Variants in TMEM74 observed in about 807,000 individuals in gnomAD.
TMEM74 encodes the protein transmembrane protein 74.
A neutral mutation model predicts 18.1 loss-of-function variants in TMEM74; 13 were observed. The ratio of observed to expected loss-of-function variants is 0.72; its 90% CI spans 0.47 to 1.14. The LOEUF (loss-of-function observed/expected upper bound fraction) is 1.14. TMEM74 is among the 50% of genes most tolerant of loss of function. The probability of loss-of-function intolerance (pLI) is 0.00; values close to 1 mark genes in which losing one functional copy is unlikely to be tolerated. For missense variants in TMEM74, 372 were observed against 375.9 expected, an observed-to-expected ratio of 0.99 and a Z score of 0.09; for synonymous variants, 159 against 146.6, an observed-to-expected ratio of 1.08 and a Z score of -0.61.
In TMEM74 at chr8:108,781,306, G is replaced by A. The variant is rs1315701527; in HGVS notation, c.*2875C>T. Among the ~76,000 whole-genome samples, 2 of 152,176 alleles carry A rather than the reference G, an allele frequency of 1.3e-5. No individual in the cohort carries two copies. The highest frequency in any genetic ancestry group is 2.9e-5 in the Non-Finnish European group (2 of 68,030). On this transcript the variant is annotated 3_prime_UTR_variant, in exon 2 of 2. Transcript: ENST00000297459. ...ATGCAAGACCAAAACTATAGGTATT[G>A]TATGCCCAATGTCTATAGAATGCAT...
intron 1 of TMEM74, among the ~76,000 whole-genome samples, chr8:108,684,021 T>C (rs913593574): frequency 6.6e-6 from 1 of 152,140 alleles, no homozygotes; most frequent in African/African-American, 2.4e-5. Context: ...ACACTTAGAT[T>C]GATTCCATAT....
chr8:108,730,099 G>A (rs1471369945), intron 1 of TMEM74, among the ~76,000 whole-genome samples: 1 of 152,180 alleles, frequency 6.6e-6, no homozygotes, highest in Non-Finnish European at 1.5e-5. Context: ...ATTGCCTTTT[G>A]ACTAAAAAGG....
At chr8:108,677,353 C>T (rs960586553) in intron 1 of TMEM74, among the ~76,000 whole-genome samples, 1 of 152,034 alleles carries the variant, frequency 6.6e-6, no homozygotes, top group African/African-American at 2.4e-5. Flanking sequence ...AAATATTAAT[C>T]TTCTCAAATA....
In TMEM74 at chr8:108,632,359, A is replaced by G. The variant is rs542222774; in HGVS notation, n.264+22934T>C. 4.6e-5 allele frequency among the ~76,000 whole-genome samples: 7 copies of G among 152,146 alleles called. No homozygotes were observed. In the South Asian group the frequency reaches 1.2e-3, roughly 27 times the overall value. On this transcript the variant is annotated intron_variant and non_coding_transcript_variant, in intron 2 of 3. Transcript: ENST00000518838. ...CTAAGTGGATAGCTCTTGTTTTCTTATCACAGATAACAATAACAAAAATAA... is the reference window on the plus strand; with the variant it reads ...CTAAGTGGATAGCTCTTGTTTTCTTGTCACAGATAACAATAACAAAAATAA...
At chr8:108,630,470 CA>C (rs1396944001) in intron 2 of TMEM74, among the ~76,000 whole-genome samples, 1 of 151,984 alleles carries the variant, frequency 6.6e-6, no homozygotes, top group African/African-American at 2.4e-5. Context: ...AGCTATGGAC[CA>C]AGTGGACCTA....
intron 2 of TMEM74, among the ~76,000 whole-genome samples, chr8:108,626,079 G>C (rs764291225): frequency 3.3e-5 from 5 of 151,900 alleles, no homozygotes; most frequent in Non-Finnish European, 5.9e-5. Flanking sequence ...TCTCATTCAG[G>C]CTTCTTAGTT....
At chr8:108,651,521 A>G (rs1304911893) in intron 2 of TMEM74, among the ~76,000 whole-genome samples, 1 of 152,198 alleles carries the variant, frequency 6.6e-6, no homozygotes, top group Non-Finnish European at 1.5e-5. Context: ...AATGCCTAGG[A>G]AAGATAGGAG....
chr8:108,694,171 C>CA (rs1190481515), intron 1 of TMEM74, among the ~76,000 whole-genome samples: 1 of 152,118 alleles, frequency 6.6e-6, no homozygotes, highest in Non-Finnish European at 1.5e-5. Flanking sequence ...TGAAATTGAC[C>CA]ACTTTAAAGT....
intron 2 of TMEM74, among the ~76,000 whole-genome samples, chr8:108,614,808 T>G (rs1812367786): frequency 6.6e-6 from 1 of 152,050 alleles, no homozygotes; most frequent in African/African-American, 2.4e-5. Context: ...TAGAAGAGCC[T>G]GAATAAATAT....
intron 2 of TMEM74, among the ~76,000 whole-genome samples, chr8:108,623,628 C>T (rs928794960): frequency 2.0e-5 from 3 of 152,010 alleles, no homozygotes; most frequent in Non-Finnish European, 2.9e-5. Context: ...ATCTTTCACT[C>T]CTAATTGATC....
At chr8:108,715,538 T>C (rs1037607528) in intron 1 of TMEM74, among the ~76,000 whole-genome samples, 10 of 152,078 alleles carry the variant, frequency 6.6e-5, no homozygotes, top group African/African-American at 2.4e-4. Context: ...AATACAATCA[T>C]TTTATAGTCA....
At chr8:108,755,901 GA>G (rs1459563780) in intron 1 of TMEM74, among the ~76,000 whole-genome samples, 1 of 151,932 alleles carries the variant, frequency 6.6e-6, no homozygotes, top group Non-Finnish European at 1.5e-5. Flanking sequence ...AAATAGAGAA[GA>G]AAAAGCATAT....
chr8:108,651,540 A>G (rs1166260547), intron 2 of TMEM74, among the ~76,000 whole-genome samples: 1 of 152,186 alleles, frequency 6.6e-6, no homozygotes, highest in African/African-American at 2.4e-5. Context: ...AGGCTGGAAG[A>G]CAAAATGAGA....
chr8:108,655,840 C>T (rs1486472609), intron 1 of TMEM74, among the ~76,000 whole-genome samples: 1 of 152,156 alleles, frequency 6.6e-6, no homozygotes, highest in Non-Finnish European at 1.5e-5. Flanking sequence ...AGAACTGAAA[C>T]ATTGTAGAAC....
intron 2 of TMEM74, among the ~76,000 whole-genome samples, chr8:108,642,655 T>C (rs552986593): frequency 1.3e-5 from 2 of 152,278 alleles, no homozygotes; most frequent in East Asian, 1.9e-4. Context: ...AAATACACTT[T>C]ACTATCAATC....
rs557208787 is a variant in TMEM74, at chr8:108,710,686, C to T, written n.120-55249G>A. Among the ~76,000 whole-genome samples, 12 of 152,296 alleles carry T rather than the reference C, an allele frequency of 7.9e-5. No homozygotes were observed. The South Asian group carries it at 1.5e-3, about 18-fold the overall frequency. ...CTGGCTACTCCCACACACAGCTGCA[C>T]GGTTGGCTCTCTCTTGCCGTCAGGG... On this transcript the variant is annotated intron_variant and non_coding_transcript_variant, in intron 1 of 3. Coordinates refer to the TMEM74 transcript ENST00000518838.
intron 2 of TMEM74, among the ~76,000 whole-genome samples, chr8:108,638,512 T>C (rs1024860640): frequency 6.6e-6 from 1 of 151,036 alleles, no homozygotes; most frequent in Non-Finnish European, 1.5e-5. Flanking sequence ...TCAATCCAGA[T>C]CTAAGTAACA....
intron 2 of TMEM74, among the ~76,000 whole-genome samples, chr8:108,633,989 C>T (rs1812580851): frequency 2.6e-5 from 4 of 152,020 alleles, no homozygotes. Context: ...AAGTATCTTT[C>T]TCTAAAGGAA....
At chr8:108,774,154 A>G (rs1376976438), downstream of TMEM74, among the ~76,000 whole-genome samples, 2 of 152,170 alleles carry the variant, frequency 1.3e-5, no homozygotes, top group Non-Finnish European at 2.9e-5. Flanking sequence ...TTAAATAGGA[A>G]ATTAACTATA....
Sources: allele counts gnomAD v4.1 joint callset (sites outside exome capture counted in the v4.1 genomes callset), GRCh38; gene constraint gnomAD v4.1.1; transcripts MANE v1.5; gene names NCBI Gene and HGNC (gene_info 2026-07-23, HGNC 2026-07-21).